The following AHI1 variants were observed in gnomAD, a reference collection of about 807,000 sequenced individuals.
AHI1 encodes jouberin.
A neutral mutation model predicts 149.3 loss-of-function variants in AHI1; 123 were observed. The ratio of observed to expected loss-of-function variants is 0.82; its 90% CI spans 0.71 to 0.96. The LOEUF (loss-of-function observed/expected upper bound fraction) is 0.96. Ranked by LOEUF, AHI1 falls within the 40% of genes least tolerant of loss-of-function variation. The probability of loss-of-function intolerance (pLI) is 0.00; values close to 1 mark genes in which losing one functional copy is unlikely to be tolerated. For synonymous variants in AHI1, 475 were observed against 459.8 expected, an observed-to-expected ratio of 1.03 and a Z score of -0.42; for missense variants, 1,439 against 1,422.7, an observed-to-expected ratio of 1.01 and a Z score of -0.18.
chr6:135,314,418 T>A (rs1785640883), intron 26 of AHI1, among the ~76,000 whole-genome samples: 1 of 152,248 alleles, frequency 6.6e-6, no homozygotes, highest in South Asian at 2.1e-4. Flanking sequence ...GAGAAAAAAA[T>A]TTTGTTATTT....
At chr6:135,345,933 A>G (rs1791130107) in intron 24 of AHI1, among the ~76,000 whole-genome samples, 1 of 152,224 alleles carries the variant, frequency 6.6e-6, no homozygotes, top group Non-Finnish European at 1.5e-5. Context: ...AGGAGACCAT[A>G]TTTCTCCATG....
chr6:135,411,468 A>T lies in AHI1; in HGVS notation c.2841T>A (p.Asp947Glu), dbSNP rs749497649. 2 of 1,613,342 alleles carry T rather than the reference A, an allele frequency of 1.2e-6. No individual in the cohort carries two copies. The highest frequency in any genetic ancestry group is 2.2e-5 in the South Asian group (2 of 90,908). ...FPLPGIHQSQ[D>E]ALCTCPKLPH... Reference sequence around the variant, plus strand: ...GTAGTTTTGGACAGGTACATAGGGCATCTTGACTTTGGTGTATTCCAGGTA... The same window carrying T: ...GTAGTTTTGGACAGGTACATAGGGCTTCTTGACTTTGGTGTATTCCAGGTA... The change falls in exon 21 of 29, where the codon GAT (aspartate) becomes GAA (glutamate). Residue 947 changes from aspartate to glutamate, a missense_variant. Physicochemically the swap from Asp to Glu is conservative, Grantham distance 45 (BLOSUM62 2). Coordinates refer to ENST00000265602, the MANE Select transcript of AHI1 (RefSeq NM_001134831.2).
At chr6:135,318,379 T>C in intron 26 of AHI1, 140 bp downstream of exon 26, 1 of 663,084 alleles carries the variant, frequency 1.5e-6, no homozygotes, top group East Asian at 2.8e-5. Flanking sequence ...CCTTATGTAT[T>C]TCATAATGAT....
chr6:135,366,217 T>C (rs1488602543), intron 23 of AHI1, among the ~76,000 whole-genome samples: 1 of 152,106 alleles, frequency 6.6e-6, no homozygotes, highest in Non-Finnish European at 1.5e-5. Flanking sequence ...GCATTTATGT[T>C]AATCAGGGAT....
At chr6:135,376,621 C>T (rs555156827) in intron 23 of AHI1, among the ~76,000 whole-genome samples, 62 of 152,096 alleles carry the variant, frequency 4.1e-4, no homozygotes, top group African/African-American at 1.3e-3. Flanking sequence ...CAGTGGCTCA[C>T]GCCTATAATC....
At chr6:135,475,211 T>A (rs530200687) in intron 5 of AHI1, among the ~76,000 whole-genome samples, 1 of 152,348 alleles carries the variant, frequency 6.6e-6, no homozygotes, top group East Asian at 1.9e-4. Flanking sequence ...CATAATACTC[T>A]TATTATCCTT....
chr6:135,487,111 A>G (rs978573658), intron 5 of AHI1, among the ~76,000 whole-genome samples: 8 of 152,150 alleles, frequency 5.3e-5, no homozygotes, highest in African/African-American at 1.9e-4. Flanking sequence ...TTAAAATAGG[A>G]AGCTTAAACT....
At chr6:135,388,232 C>T (rs1777904834) in intron 23 of AHI1, among the ~76,000 whole-genome samples, 1 of 152,052 alleles carries the variant, frequency 6.6e-6, no homozygotes, top group African/African-American at 2.4e-5. Context: ...AGTCTGAAAC[C>T]AGAATTAAAT....
chr6:135,333,510 T>C (rs1788909947), intron 24 of AHI1, among the ~76,000 whole-genome samples: 1 of 152,184 alleles, frequency 6.6e-6, no homozygotes, highest in Non-Finnish European at 1.5e-5. Context: ...ACTGATCTTA[T>C]CTGGATAATA....
intron 27 of AHI1, among the ~76,000 whole-genome samples, 159 bp downstream of exon 27, chr6:135,300,341 G>GA (rs1387288679): frequency 5.7e-5 from 7 of 122,914 alleles, no homozygotes; most frequent in East Asian, 2.0e-4. Flanking sequence ...AAAAAAAAAA[G>GA]AAAAAAAAAT....
At position 135,359,194 on chromosome 6, in the gene AHI1, T is replaced by C. The variant is rs114667759; in HGVS notation, c.3110-1007A>G. ...TATTTTCAAAATGAATCATGAAACA[T>C]GCAGTTTTTGTTTCATTAATTTTTT... On this transcript the variant is annotated intron_variant, in intron 23 of 28. Coordinates refer to ENST00000265602, the MANE Select transcript of AHI1 (RefSeq NM_001134831.2). Among the ~76,000 whole-genome samples the C allele has an allele frequency of 3.4e-3, 524 of 152,338 alleles. 5 individuals are homozygous for C. The highest frequency in any genetic ancestry group is 0.012 in the African/African-American group (500 of 41,574).
At chr6:135,427,410 A>G (rs1784061857) in intron 19 of AHI1, 103 bp from the exon 20 acceptor site, 1 of 980,182 alleles carries the variant, frequency 1.0e-6, no homozygotes, top group East Asian at 2.7e-5. Flanking sequence ...ATTTATAGCA[A>G]TGATGCTCAC....
intron 5 of AHI1, among the ~76,000 whole-genome samples, chr6:135,469,297 T>C (rs973297315): frequency 2.0e-5 from 3 of 152,156 alleles, no homozygotes; most frequent in African/African-American, 7.2e-5. Context: ...AGGCCTTTGA[T>C]AAAATTCAAC....
chr6:135,371,442 T>C (rs1368645521), intron 23 of AHI1, among the ~76,000 whole-genome samples: 2 of 152,190 alleles, frequency 1.3e-5, no homozygotes, highest in Admixed American at 1.3e-4. Context: ...ATTTTTCCTT[T>C]ACCTAGGAAA....
At chr6:135,372,383 G>T (rs913153961) in intron 23 of AHI1, among the ~76,000 whole-genome samples, 1 of 152,022 alleles carries the variant, frequency 6.6e-6, no homozygotes, top group Non-Finnish European at 1.5e-5. Flanking sequence ...CAACTATTAA[G>T]ATTTCTTGCC....
chr6:135,335,725 A>G (rs1179469156), intron 24 of AHI1, among the ~76,000 whole-genome samples: 1 of 152,228 alleles, frequency 6.6e-6, no homozygotes, highest in Non-Finnish European at 1.5e-5. Flanking sequence ...ATTACTAGTA[A>G]TAGACACAGA....
chr6:135,317,707 T>C (rs1194380390), intron 26 of AHI1, among the ~76,000 whole-genome samples: 1 of 152,166 alleles, frequency 6.6e-6, no homozygotes, highest in Non-Finnish European at 1.5e-5. Context: ...ATAGAGCGCA[T>C]GGATGAAGGC....
chr6:135,301,164 T>C (rs539125593), intron 26 of AHI1: 11 of 983,774 alleles, frequency 1.1e-5, no homozygotes, highest in Middle Eastern at 5.2e-4. Flanking sequence ...CTGTGGGAAA[T>C]TGAGTTTGAT....
chr6:135,494,352 A>G (rs1476006769), intron 3 of AHI1, among the ~76,000 whole-genome samples: 2 of 152,342 alleles, frequency 1.3e-5, no homozygotes, highest in Non-Finnish European at 2.9e-5. Flanking sequence ...GTTAGGGTGC[A>G]GTCACTGAGC....
Sources: gnomAD v4.1 joint callset for allele counts (sites outside exome capture counted in the v4.1 genomes callset) on GRCh38, gnomAD v4.1.1 for gene constraint, MANE v1.5 for transcripts, NCBI Gene and HGNC (gene_info 2026-07-23, HGNC 2026-07-21) for gene names.